Variants in RSRC2 observed in about 807,000 individuals in gnomAD.
RSRC2 encodes the protein arginine and serine rich coiled-coil 2.
A neutral mutation model predicts 61.3 loss-of-function variants in RSRC2; 5 were observed. That is an observed-to-expected ratio of 0.08 (90% CI 0.04 to 0.17). The LOEUF (loss-of-function observed/expected upper bound fraction) is 0.17, where lower values mean the gene tolerates loss of function less well. RSRC2 is among the 10% of genes least tolerant of loss of function. The pLI is 1.00. For missense variants in RSRC2, 381 were observed against 518.8 expected, an observed-to-expected ratio of 0.73 and a Z score of 2.58; for synonymous variants, 202 against 166.5, an observed-to-expected ratio of 1.21 and a Z score of -1.64.
At chr12:122,525,743 G>A (rs561286833) in intron 1 of RSRC2, among the ~76,000 whole-genome samples, 3 of 151,796 alleles carry the variant, frequency 2.0e-5, no homozygotes, top group Non-Finnish European at 4.4e-5. Flanking sequence ...TACACACGCA[G>A]GCTTATTGTT....
chr12:122,506,840 A>C lies in RSRC2; in HGVS notation c.1119T>G (p.Gly373=). 6.3e-7 allele frequency: 1 copy of C among 1,583,932 alleles called. No homozygotes were observed. The change falls in exon 9 of 10, where the codon GGT becomes GGG. Residue 373 remains glycine (G), a synonymous_variant. Coordinates refer to ENST00000331738, the MANE Select transcript of RSRC2 (RefSeq NM_023012.6). ...TGGCACATGTGAAACTCACCTTAATACCCATCAATTTCCTAAATTTGACAT... is the reference window on the plus strand; with the variant it reads ...TGGCACATGTGAAACTCACCTTAATCCCCATCAATTTCCTAAATTTGACAT... ...DQNVKFRKLM[G]IKSEDEAGCS...
chr12:122,517,460 A>C (rs1219286925), intron 4 of RSRC2, 30 bp from the exon 5 acceptor site: 3 of 1,613,312 alleles, frequency 1.9e-6, no homozygotes. Context: ...ATTTGTAATT[A>C]CTTAAAAGTT....
chr12:122,521,574 C>T (rs1959214742), intron 2 of RSRC2, 146 bp from the exon 3 acceptor site: 1 of 679,274 alleles, frequency 1.5e-6, no homozygotes. Context: ...GATTATTCTA[C>T]ATTAATACAA....
chr12:122,514,543 GGT>G, intron 6 of RSRC2: 1 of 959,024 alleles, frequency 1.0e-6, no homozygotes, highest in Non-Finnish European at 1.2e-6. Flanking sequence ...CGGGATTACA[GGT>G]GTGACCGATT....
At chr12:122,515,329 A>G in intron 5 of RSRC2, 102 bp from the exon 6 acceptor site, 1 of 1,183,174 alleles carries the variant, frequency 8.5e-7, no homozygotes, top group Non-Finnish European at 1.2e-6. Flanking sequence ...CGATACAAAA[A>G]CATTTAGTTT....
chr12:122,511,497 G>A (rs760000600), intron 6 of RSRC2, among the ~76,000 whole-genome samples: 8 of 152,156 alleles, frequency 5.3e-5, no homozygotes, highest in Non-Finnish European at 8.8e-5. Flanking sequence ...CATATTGAAA[G>A]CTGAGTAAAT....
At position 122,505,441 on chromosome 12, in the gene RSRC2, G is replaced by T; in HGVS notation, c.*86C>A. The T allele has an allele frequency of 7.8e-7, 1 of 1,279,160 alleles. No homozygotes were observed. The highest frequency in any genetic ancestry group is 1.1e-6 in the Non-Finnish European group (1 of 911,076). The allele number at this position is 1,279,160 out of a possible 1,614,324, so 79.2% of individuals were successfully genotyped here. On this transcript the variant is annotated 3_prime_UTR_variant, in exon 10 of 10. Coordinates refer to ENST00000331738, the MANE Select transcript of RSRC2 (RefSeq NM_023012.6). ...TAAAGTCAATGCAACACCCATGCAAGCTAGAGTGCTAGCTGTTTGGTGAAC... is the reference window on the plus strand; with the variant it reads ...TAAAGTCAATGCAACACCCATGCAATCTAGAGTGCTAGCTGTTTGGTGAAC...
chr12:122,525,496 A>G (rs970597206), intron 1 of RSRC2, among the ~76,000 whole-genome samples: 3 of 152,048 alleles, frequency 2.0e-5, no homozygotes, highest in Non-Finnish European at 4.4e-5. Context: ...TCAATCACCT[A>G]AATAATAGAG....
chr12:122,506,621 TCTCTCTCTCC>T (rs1217796210), intron 9 of RSRC2: 80 of 460,342 alleles, frequency 1.7e-4, no homozygotes, highest in Non-Finnish European at 1.4e-4. Flanking sequence ...CCCGTCTCTC[TCTCTCTCTCC>T]AAGTGTGTGT....
intron 1 of RSRC2, among the ~76,000 whole-genome samples, chr12:122,526,501 T>C (rs1451311946): frequency 6.6e-6 from 1 of 151,870 alleles, no homozygotes; most frequent in Non-Finnish European, 1.5e-5. Context: ...AGCCCCTTTC[T>C]CCACCGCAAA....
At chr12:122,507,648 A>G (rs992178654) in intron 8 of RSRC2, among the ~76,000 whole-genome samples, 2 of 151,964 alleles carry the variant, frequency 1.3e-5, no homozygotes, top group African/African-American at 2.4e-5. Flanking sequence ...TAACTGGCAA[A>G]TAAGACTATC....
At position 122,518,853 on chromosome 12, in the gene RSRC2, A is replaced by G; in HGVS notation, c.384T>C (p.Ser128=). 5 of 1,613,794 alleles carry G rather than the reference A, an allele frequency of 3.1e-6. No homozygotes were observed. The highest frequency in any genetic ancestry group is 4.2e-6 in the Non-Finnish European group (5 of 1,179,698). Residue 128 remains serine (S), a synonymous_variant, in exon 4 of 10, where the codon TCT becomes TCC. Coordinates refer to ENST00000331738, the MANE Select transcript of RSRC2 (RefSeq NM_023012.6). ...KSSRGRSHSR[S]RSRERRHRSR... ...ACATGACTTACCTTTCACGAGACCTAGATCTTGAGTGACTTCTGCCTCTTG... is the reference window on the plus strand; with the variant it reads ...ACATGACTTACCTTTCACGAGACCTGGATCTTGAGTGACTTCTGCCTCTTG...
rs557418117 is a variant in RSRC2, at chr12:122,526,912, C to A, written c.-59G>T. The A allele has an allele frequency of 1.9e-6, 3 of 1,606,508 alleles. No individual in the cohort carries two copies. Among genetic ancestry groups the A allele is most frequent in the South Asian group, 2.2e-5 (2 of 90,880 alleles). On this transcript the variant is annotated 5_prime_UTR_variant, in exon 1 of 10. Transcript: ENST00000331738. ...CACTTGTCGCTTTCAACAGTACCGG[C>A]CGCTCCGAAGCTTCGCCTCAGACTA...
chr12:122,524,601 C>T (rs925376969), intron 1 of RSRC2, among the ~76,000 whole-genome samples: 3 of 152,186 alleles, frequency 2.0e-5, no homozygotes, highest in Non-Finnish European at 2.9e-5. Context: ...CTAACTTAAA[C>T]TTACATCATC....
intron 7 of RSRC2, among the ~76,000 whole-genome samples, chr12:122,509,044 T>C (rs1463564126): frequency 1.3e-5 from 2 of 152,194 alleles, no homozygotes; most frequent in African/African-American, 2.4e-5. Context: ...AGATGAACTA[T>C]AGTGTTTCTA....
chr12:122,517,579 G>T, intron 4 of RSRC2, 149 bp from the exon 5 acceptor site: 1 of 962,616 alleles, frequency 1.0e-6, no homozygotes, highest in Non-Finnish European at 1.5e-6. Flanking sequence ...ATTTTCAAAG[G>T]AAATACTAAC....
At chr12:122,509,397 T>C (rs1958329895) in intron 7 of RSRC2, among the ~76,000 whole-genome samples, 1 of 150,254 alleles carries the variant, frequency 6.7e-6, no homozygotes, top group Non-Finnish European at 1.5e-5. Context: ...TTGTTGTGAG[T>C]CAGGATTGTG....
chr12:122,523,361 C>T (rs1959522195), intron 1 of RSRC2: 1 of 152,134 alleles, frequency 6.6e-6, no homozygotes, highest in African/African-American at 2.4e-5. Flanking sequence ...ACTAAAAACA[C>T]AAAAATTAGC....
chr12:122,519,633 A>G (rs1959167862), intron 3 of RSRC2: 1 of 153,856 alleles, frequency 6.5e-6, no homozygotes, highest in South Asian at 2.0e-4. Flanking sequence ...CAGTATCCCA[A>G]TAGGCTTAGA....
Sources: gnomAD v4.1 joint callset for allele counts (sites outside exome capture counted in the v4.1 genomes callset) on GRCh38, gnomAD v4.1.1 for gene constraint, MANE v1.5 for transcripts, NCBI Gene and HGNC (gene_info 2026-07-23, HGNC 2026-07-21) for gene names.